Variants in HEATR5B observed in about 807,000 individuals in gnomAD.
The protein encoded by HEATR5B is HEAT repeat-containing protein 5B.
In HEATR5B, 156 loss-of-function variants were observed where a neutral mutation model predicts 224.1. That is an observed-to-expected ratio of 0.70 (90% CI 0.61 to 0.80). HEATR5B has a LOEUF of 0.80. HEATR5B is among the 30% of genes least tolerant of loss of function. The pLI, the probability that HEATR5B is intolerant of heterozygous loss-of-function variation, is 0.00. For synonymous variants in HEATR5B, 1,027 were observed against 893.0 expected, an observed-to-expected ratio of 1.15 and a Z score of -2.68; for missense variants, 2,323 against 2,535.5, an observed-to-expected ratio of 0.92 and a Z score of 1.80.
intron 14 of HEATR5B, 106 bp downstream of exon 14, chr2:37,058,345 T>C: frequency 1.5e-6 from 1 of 658,162 alleles, no homozygotes; most frequent in Non-Finnish European, 2.7e-6. Flanking sequence ...AATGGTGGCC[T>C]TCCTTTGCAC....
chr2:36,995,599 T>A (rs1382395216), intron 33 of HEATR5B, among the ~76,000 whole-genome samples: 1 of 152,180 alleles, frequency 6.6e-6, no homozygotes, highest in Non-Finnish European at 1.5e-5. Context: ...AAAAAGAGTA[T>A]AGGAGAGAAA....
At chr2:37,032,143 C>A (rs771107242) in intron 22 of HEATR5B, among the ~76,000 whole-genome samples, 7 of 152,072 alleles carry the variant, frequency 4.6e-5, no homozygotes, top group Admixed American at 1.3e-4. Flanking sequence ...TTCAAGTGCC[C>A]CTGAAACATC....
At position 37,082,052 on chromosome 2, in the gene HEATR5B, C is replaced by CTTT. The variant is rs61036576; in HGVS notation, c.126+1234_126+1236dup. ...ATCAGACATTTGAGGGAAGTATCTA[C>CTTT]TTTTTTTTTTTTTTTTTTTTTTTTT... On this transcript the variant is annotated intron_variant, in intron 2 of 35. Coordinates refer to ENST00000233099, the MANE Select transcript of HEATR5B (RefSeq NM_019024.3). Among the ~76,000 whole-genome samples the CTTT allele has an allele frequency of 2.0e-3, 49 of 23,956 alleles. 7 individuals carry two copies. Among genetic ancestry groups the CTTT allele is most frequent in the Admixed American group, 2.8e-3 (3 of 1,058 alleles). The allele number at this position is 23,956 out of a possible 152,430, so 15.7% of individuals were successfully genotyped here.
chr2:37,080,996 CT>C (rs771125717), intron 2 of HEATR5B, among the ~76,000 whole-genome samples: 6 of 152,152 alleles, frequency 3.9e-5, no homozygotes, highest in Non-Finnish European at 2.9e-5. Context: ...TTTATACACT[CT>C]TGTATTTATC....
chr2:36,997,106 T>G (rs1666771358), intron 33 of HEATR5B, among the ~76,000 whole-genome samples: 1 of 147,154 alleles, frequency 6.8e-6, no homozygotes, highest in African/African-American at 2.5e-5. Flanking sequence ...GACATAAATA[T>G]TATTGTCAGT....
At chr2:37,031,621 T>C (rs1474333232) in intron 22 of HEATR5B, among the ~76,000 whole-genome samples, 2 of 152,004 alleles carry the variant, frequency 1.3e-5, no homozygotes, top group Admixed American at 6.6e-5. Context: ...TTGGTGATGT[T>C]TTCTCTCCAA....
chr2:37,073,186 A>G (rs1672012880), intron 5 of HEATR5B, among the ~76,000 whole-genome samples: 1 of 152,216 alleles, frequency 6.6e-6, no homozygotes, highest in Non-Finnish European at 1.5e-5. Flanking sequence ...GAACACAGAT[A>G]CACATTTCTA....
chr2:37,062,848 C>T (rs1671367164), intron 10 of HEATR5B, among the ~76,000 whole-genome samples: 1 of 152,180 alleles, frequency 6.6e-6, no homozygotes, highest in African/African-American at 2.4e-5. Flanking sequence ...GGTGCAGTGG[C>T]ACAATCATAG....
intron 34 of HEATR5B, among the ~76,000 whole-genome samples, chr2:36,990,203 T>C (rs977131116): frequency 1.3e-5 from 2 of 152,134 alleles, no homozygotes; most frequent in Non-Finnish European, 2.9e-5. Flanking sequence ...TCTTCAAGAA[T>C]GTTTCTGCTT....
At chr2:37,007,337 CTTT>C (rs3080796) in intron 28 of HEATR5B, 33 bp from the exon 29 acceptor site, 166,028 of 1,128,866 alleles carry the variant, frequency 0.15, 796 homozygotes, top group East Asian at 0.31. Context: ...AAAAACATTA[CTTT>C]TTTTTTTTTT....
At chr2:37,040,874 A>G (rs546350067) in intron 19 of HEATR5B, 2 of 407,856 alleles carry the variant, frequency 4.9e-6, no homozygotes, top group Admixed American at 4.1e-5. Context: ...ATAAAAAAAA[A>G]GAGGAAAAAA....
chr2:37,008,024 G>A (rs1667543447), intron 28 of HEATR5B: 1 of 154,576 alleles, frequency 6.5e-6, no homozygotes, highest in South Asian at 2.0e-4. Context: ...TACTAACACT[G>A]AGGACTTCCT....
chr2:37,073,700 G>A (rs1321507386), intron 5 of HEATR5B, among the ~76,000 whole-genome samples: 1 of 152,202 alleles, frequency 6.6e-6, no homozygotes, highest in Non-Finnish European at 1.5e-5. Flanking sequence ...TAGGGTGGAA[G>A]ACTTAATATT....
chr2:37,018,782 C>T (rs1385820971), intron 26 of HEATR5B, among the ~76,000 whole-genome samples: 1 of 152,032 alleles, frequency 6.6e-6, no homozygotes, highest in Non-Finnish European at 1.5e-5. Flanking sequence ...AAACTGATTA[C>T]CTAAAAGATT....
intron 21 of HEATR5B, among the ~76,000 whole-genome samples, chr2:37,034,327 T>C (rs1185206215): frequency 7.3e-6 from 1 of 137,930 alleles, no homozygotes; most frequent in Non-Finnish European, 1.6e-5. Context: ...TTTTAAGACA[T>C]CGCCGGCCGG....
intron 24 of HEATR5B, among the ~76,000 whole-genome samples, chr2:37,024,294 G>A (rs1271022612): frequency 2.0e-5 from 3 of 151,336 alleles, no homozygotes; most frequent in Non-Finnish European, 4.4e-5. Flanking sequence ...CAGTTAAATA[G>A]GAGGAATAAG....
At chr2:37,067,748 G>A (rs1558370836) in intron 8 of HEATR5B, among the ~76,000 whole-genome samples, 1 of 152,104 alleles carries the variant, frequency 6.6e-6, no homozygotes, top group African/African-American at 2.4e-5. Context: ...CTCCAGCCCG[G>A]ACAGCAGAGC....
intron 6 of HEATR5B, among the ~76,000 whole-genome samples, chr2:37,070,963 C>T (rs1425794988): frequency 1.3e-5 from 2 of 152,086 alleles, no homozygotes; most frequent in South Asian, 2.1e-4. Flanking sequence ...ATTTCATTTC[C>T]GACACAGAAC....
intron 29 of HEATR5B, among the ~76,000 whole-genome samples, chr2:37,006,805 T>C (rs1490946043): frequency 6.6e-6 from 1 of 152,242 alleles, no homozygotes; most frequent in Non-Finnish European, 1.5e-5. Context: ...TACGTTTTTT[T>C]ACTGAAAATT....
Sources: gnomAD v4.1 joint callset for allele counts (sites outside exome capture counted in the v4.1 genomes callset) on GRCh38, gnomAD v4.1.1 for gene constraint, MANE v1.5 for transcripts, NCBI Gene and HGNC (gene_info 2026-07-23, HGNC 2026-07-21) for gene names.